Variants in ADCY2 observed in about 807,000 individuals in gnomAD.
ADCY2 encodes the protein adenylate cyclase type 2.
ADCY2 carries 31 observed loss-of-function variants against 125.2 expected under a neutral mutation model. The observed-to-expected ratio is 0.25, with a 90% confidence interval of 0.19 to 0.33. The LOEUF is 0.33. Among genes scored for constraint, ADCY2 ranks in the 10% least tolerant of loss-of-function variants. ADCY2 has a pLI of 1.00. For synonymous variants in ADCY2, 512 were observed against 548.4 expected (o/e 0.93, Z 0.93); for missense variants, 904 against 1,418.2 (o/e 0.64, Z 5.82).
chr5:7,448,814 T>G (rs1420836621), intron 2 of ADCY2, among the ~76,000 whole-genome samples: 7 of 152,224 alleles, frequency 4.6e-5, no homozygotes, highest in Non-Finnish European at 1.0e-4. Flanking sequence ...ATCTTGTTCC[T>G]TTCTGTGGCT....
intron 15 of ADCY2, among the ~76,000 whole-genome samples, chr5:7,749,147 T>C (rs10060054): frequency 0.86 from 130,217 of 152,182 alleles, 55,910 homozygotes; most frequent in East Asian, 0.97. Flanking sequence ...TCATGGTAAC[T>C]TCACATAGTA....
intron 2 of ADCY2, among the ~76,000 whole-genome samples, chr5:7,458,644 A>G (rs895130890): frequency 6.6e-6 from 1 of 152,212 alleles, no homozygotes; most frequent in African/African-American, 2.4e-5. Context: ...TCAAAGAAGT[A>G]CAAGAAAAAG....
At chr5:7,816,730 A>G in intron 22 of ADCY2, 136 bp from the exon 23 acceptor site, 1 of 663,142 alleles carries the variant, frequency 1.5e-6, no homozygotes. Flanking sequence ...TGATTCTTAT[A>G]GAATGTTTGC....
At chr5:7,397,448 T>TG (rs1739096374) in intron 1 of ADCY2, among the ~76,000 whole-genome samples, 1 of 139,782 alleles carries the variant, frequency 7.2e-6, no homozygotes, top group Non-Finnish European at 1.5e-5. Context: ...CCAGTGAGTT[T>TG]TTTTTTTTTT....
chr5:7,726,471 A>G (rs1157792322), intron 13 of ADCY2, among the ~76,000 whole-genome samples: 1 of 152,162 alleles, frequency 6.6e-6, no homozygotes, highest in African/African-American at 2.4e-5. Context: ...GTATAGCCCT[A>G]TCTGGAATTT....
intron 3 of ADCY2, among the ~76,000 whole-genome samples, chr5:7,557,730 A>T (rs1338954208): frequency 6.6e-6 from 1 of 152,176 alleles, no homozygotes; most frequent in Non-Finnish European, 1.5e-5. Flanking sequence ...ATAGTATTCC[A>T]CAATGTACCA....
At chr5:7,434,299 A>G (rs1303582696) in intron 2 of ADCY2, among the ~76,000 whole-genome samples, 1 of 152,224 alleles carries the variant, frequency 6.6e-6, no homozygotes, top group East Asian at 1.9e-4. Flanking sequence ...AGATAAATCA[A>G]TTTGGCATTT....
intron 21 of ADCY2, 60 bp from the exon 22 acceptor site, chr5:7,804,525 A>G: frequency 7.7e-7 from 1 of 1,291,354 alleles, no homozygotes; most frequent in African/African-American, 1.5e-5. Context: ...GTCTCTATAA[A>G]ATGCTCAGCT....
chr5:7,439,046 C>T (rs1160014931), intron 2 of ADCY2, among the ~76,000 whole-genome samples: 2 of 152,196 alleles, frequency 1.3e-5, no homozygotes, highest in Non-Finnish European at 2.9e-5. Context: ...ACTGTGAGTG[C>T]ATTTCTCTGT....
At chr5:7,660,930 T>C (rs1336712585) in intron 4 of ADCY2, among the ~76,000 whole-genome samples, 1 of 152,208 alleles carries the variant, frequency 6.6e-6, no homozygotes, top group Non-Finnish European at 1.5e-5. Flanking sequence ...GGAAAGATCC[T>C]TGTACATGCT....
chr5:7,600,622 C>G (rs1194977071), intron 3 of ADCY2, among the ~76,000 whole-genome samples: 2 of 152,136 alleles, frequency 1.3e-5, no homozygotes, highest in Admixed American at 1.3e-4. Context: ...TGGAGTGGCT[C>G]AGTCTCAACA....
At chr5:7,678,444 C>CA (rs1740206120) in intron 4 of ADCY2, among the ~76,000 whole-genome samples, 1 of 152,190 alleles carries the variant, frequency 6.6e-6, no homozygotes, top group Non-Finnish European at 1.5e-5. Flanking sequence ...TTAAAGTACT[C>CA]TTCCTTCTCT....
intron 3 of ADCY2, among the ~76,000 whole-genome samples, chr5:7,529,456 A>G (rs1266700244): frequency 6.6e-6 from 1 of 152,126 alleles, no homozygotes; most frequent in East Asian, 1.9e-4. Flanking sequence ...ATGTGCATCA[A>G]TTTTTACCTT....
At chr5:7,630,748 G>A (rs553921134) in intron 4 of ADCY2, among the ~76,000 whole-genome samples, 6 of 151,090 alleles carry the variant, frequency 4.0e-5, no homozygotes, top group Non-Finnish European at 7.4e-5. Context: ...AAGTCATGAG[G>A]GTAGAATCTT....
At chr5:7,573,587 G>GTTTTTTTTTTTTTTTTTTTTTTTTT (rs1736133040) in intron 3 of ADCY2, among the ~76,000 whole-genome samples, 1 of 115,676 alleles carries the variant, frequency 8.6e-6, no homozygotes, top group Non-Finnish European at 1.9e-5. Flanking sequence ...ATACAGGGTT[G>GTTTTTTTTTTTTTTTTTTTTTTTTT]ATTTTCTTTT....
intron 20 of ADCY2, among the ~76,000 whole-genome samples, chr5:7,792,755 C>T (rs1744293976): frequency 6.6e-6 from 1 of 152,246 alleles, no homozygotes; most frequent in Admixed American, 6.5e-5. Flanking sequence ...TCAAATCTTA[C>T]TCCCAACATT....
chr5:7,482,668 A>T (rs1579488691), intron 2 of ADCY2, among the ~76,000 whole-genome samples: 1 of 151,684 alleles, frequency 6.6e-6, no homozygotes, highest in Non-Finnish European at 1.5e-5. Flanking sequence ...TATCAAAGAG[A>T]TACCTGCACC....
intron 3 of ADCY2, among the ~76,000 whole-genome samples, chr5:7,592,272 A>G (rs1261234565): frequency 6.6e-6 from 1 of 152,212 alleles, no homozygotes; most frequent in African/African-American, 2.4e-5. Flanking sequence ...TTATGAAAAC[A>G]GACTCTAGAA....
chr5:7,422,951 T>C (rs753215360), intron 2 of ADCY2, among the ~76,000 whole-genome samples: 3 of 152,164 alleles, frequency 2.0e-5, no homozygotes, highest in Non-Finnish European at 4.4e-5. Context: ...CCGAGTAGCA[T>C]ATGAATGAAA....
Sources: gnomAD v4.1 joint callset for allele counts (sites outside exome capture counted in the v4.1 genomes callset) on GRCh38, gnomAD v4.1.1 for gene constraint, MANE v1.5 for transcripts, NCBI Gene and HGNC (gene_info 2026-07-23, HGNC 2026-07-21) for gene names.